The following DENND1C variants were observed in gnomAD, a reference collection of about 807,000 sequenced individuals.
The protein encoded by DENND1C is DENN domain-containing protein 1C.
In DENND1C, 64 loss-of-function variants were observed where a neutral mutation model predicts 87.9. The observed-to-expected ratio is 0.73, with a 90% CI of 0.60 to 0.90. The LOEUF is 0.90. Among genes scored for constraint, DENND1C ranks in the 40% least tolerant of loss-of-function variants. The pLI is 0.00. For synonymous variants in DENND1C, 384 were observed against 424.4 expected (o/e 0.90, Z 1.17); for missense variants, 980 against 1,037.0 (o/e 0.95, Z 0.76).
rs1277872966 is a variant in DENND1C, at chr19:6,471,499, G to A, written c.1159-3C>T. On this transcript the variant is annotated splice_region_variant and splice_polypyrimidine_tract_variant and intron_variant, in intron 15 of 22. Transcript: ENST00000381480. ...TTCTCCAGCCGGGCTTCGATGAACT[G>A]GGGTGGGGGACAGTAAATCAGAAAC... The A allele has an allele frequency of 1.9e-6, 3 of 1,549,340 alleles. No individual in the cohort carries two copies. The highest frequency in any genetic ancestry group is 1.4e-5 in the African/African-American group (1 of 73,116).
chr19:6,479,629 C>T (rs767532053), intron 4 of DENND1C, 40 bp downstream of exon 4: 1 of 1,613,596 alleles, frequency 6.2e-7, no homozygotes, highest in Non-Finnish European at 8.5e-7. Context: ...CCTGAGAGAT[C>T]TGAGTCCCTG....
intron 1 of DENND1C, 94 bp downstream of exon 1, chr19:6,481,585 C>T: frequency 3.2e-6 from 5 of 1,574,808 alleles, no homozygotes; most frequent in Non-Finnish European, 4.3e-6. Context: ...CACTGCACCT[C>T]CCGGGCCTGC....
chr19:6,467,516 G>A lies in DENND1C; in HGVS notation c.2394C>T (p.Cys798=), dbSNP rs950983490. The change falls in exon 23 of 23, where the codon TGC becomes TGT. Residue 798 remains cysteine, a synonymous_variant. Transcript: ENST00000381480. ...GGACCCCTGATTCTTAACCCTCAAA[G>A]CACTTCTTAAGATCAGCGACTCTGG... is the stretch of plus-strand genomic sequence containing the variant. ...SRPRVADLKK[C]FEG is the part of the protein sequence containing the mutation. The A allele has an allele frequency of 1.1e-5, 18 of 1,602,432 alleles. No individual in the cohort carries two copies. Among genetic ancestry groups the A allele is most frequent in the Non-Finnish European group, 1.5e-5 (18 of 1,175,416 alleles).
At chr19:6,477,026 C>G (rs763227166) in intron 9 of DENND1C, 48 bp downstream of exon 9, 6 of 1,613,238 alleles carry the variant, frequency 3.7e-6, no homozygotes, top group Non-Finnish European at 5.1e-6. Flanking sequence ...CATCCCCGGT[C>G]CGGGTTTCGG....
rs1186388632 is a variant in DENND1C at position 6,468,333 on chromosome 19, C to G, written c.1692G>C (p.Leu564=). 6.2e-7 allele frequency: 1 copy of G among 1,613,680 alleles called. No individual in the cohort carries two copies. Among genetic ancestry groups the G allele is most frequent in the African/African-American group, 1.3e-5 (1 of 74,884 alleles). The change falls in exon 22 of 23, where the codon CTG becomes CTC. Residue 564 remains leucine, a synonymous_variant. Coordinates refer to ENST00000381480, the MANE Select transcript of DENND1C (RefSeq NM_024898.4). ...GEELDLLSEI[L]DSLSMGAKSA... ...TCTTGGCTCCCATGCTAAGACTGTC[C>G]AGAATCTCGCTCAACAAATCCAGTT...
At position 6,477,397 on chromosome 19, in the gene DENND1C, G is replaced by T. The variant is rs1368481026; in HGVS notation, c.428C>A (p.Ala143Asp). 2 of 1,613,520 alleles carry T rather than the reference G, an allele frequency of 1.2e-6. No homozygotes were observed. Among genetic ancestry groups the T allele is most frequent in the Non-Finnish European group, 8.5e-7 (1 of 1,179,784 alleles). ...LFQQSLSGPQASVGLELGSGV... is the reference protein window; with the variant it reads ...LFQQSLSGPQDSVGLELGSGV... ...ACTCACCAGCTCAAGCCCCACTGAG[G>T]CCTGGGGCCCAGACAGGGACTGCTG... The change falls in exon 7 of 23, where the codon GCC becomes GAC. Residue 143 changes from alanine to aspartate, a missense_variant. By Grantham distance (126) the Ala-to-Asp change is moderately radical. Transcript: ENST00000381480.
Position 6,481,718 on chromosome 19 carries a change from C to G in DENND1C, c.-23G>C. On this transcript the variant is annotated 5_prime_UTR_variant, in exon 1 of 23. Transcript: ENST00000381480. ...CATGGTCCCTGCAGGGCCAGCCCAG[C>G]GGGGCCCTCTCCCCAGGGGTCCTGG... 1 of 1,563,076 alleles carries G rather than the reference C, an allele frequency of 6.4e-7. No homozygotes were observed. Among genetic ancestry groups the G allele is most frequent in the African/African-American group, 1.4e-5 (1 of 72,318 alleles).
At chr19:6,472,767 T>C (rs2092836507) in intron 15 of DENND1C, 122 bp downstream of exon 15, 5 of 703,864 alleles carry the variant, frequency 7.1e-6, no homozygotes, top group Admixed American at 4.1e-5. Flanking sequence ...CCTGCTGGAC[T>C]GTCTCCAGCT....
chr19:6,477,893 G>A (rs2092872333), intron 6 of DENND1C, among the ~76,000 whole-genome samples: 1 of 129,958 alleles, frequency 7.7e-6, no homozygotes, highest in South Asian at 2.6e-4. Flanking sequence ...GTGAAAACAC[G>A]TCTCTGTTAA....
At chr19:6,480,537 C>T (rs1435762060) in intron 1 of DENND1C, 13 of 847,766 alleles carry the variant, frequency 1.5e-5, no homozygotes, top group Non-Finnish European at 1.8e-5. Context: ...CACCCACCCA[C>T]CCACCTATCC....
At chr19:6,473,100 G>C in intron 14 of DENND1C, 107 bp from the exon 15 acceptor site, 1 of 768,836 alleles carries the variant, frequency 1.3e-6, no homozygotes, top group Non-Finnish European at 1.9e-6. Flanking sequence ...CTGTGTGTCT[G>C]ATCCTGTGTG....
chr19:6,471,625 G>C (rs1043429199), intron 15 of DENND1C, 129 bp from the exon 16 acceptor site: 2 of 751,124 alleles, frequency 2.7e-6, no homozygotes, highest in African/African-American at 3.5e-5. Context: ...AAGCACCTGG[G>C]AAACTGGAGC....
In DENND1C at chr19:6,468,607, T is replaced by C; in HGVS notation, c.1554A>G (p.Glu518=). The change falls in exon 21 of 23, where the codon GAA becomes GAG. Residue 518 remains glutamate, a synonymous_variant. Transcript: ENST00000381480. The part of the protein sequence containing the change: ...PLRPSRRRQL[E]EGTSEPPGAG... ...CCCCTGGGGGCTCGGAAGTTCCCTC[T>C]TCCAGCTGGCGTCTCCTGCTGGGGC... The C allele has an allele frequency of 6.6e-7, 1 of 1,513,046 alleles. No homozygotes were observed. The highest frequency in any genetic ancestry group is 8.8e-7 in the Non-Finnish European group (1 of 1,134,088). 93.7% of individuals were successfully genotyped at this position (1,513,046 alleles called of 1,614,324 possible).
Position 6,471,107 on chromosome 19 carries a change from A to G in DENND1C, c.1290+158T>C, listed in dbSNP as rs534843949. 4.7e-5 allele frequency among the ~76,000 whole-genome samples: 7 copies of G among 150,258 alleles called. No individual in the cohort carries two copies. The South Asian group carries it at 1.5e-3, about 32-fold the overall frequency. On this transcript the variant is annotated intron_variant, in intron 17 of 22. Coordinates refer to ENST00000381480, the MANE Select transcript of DENND1C (RefSeq NM_024898.4). ...AGTAGCTGGGACTACAGCTACACCT[A>G]GCGAATTTTTTTTTTTTCAGTAGAG... is the stretch of plus-strand genomic sequence containing the variant.
chr19:6,476,015 T>A (rs2092857887), intron 10 of DENND1C, 78 bp from the exon 11 acceptor site: 1 of 1,269,634 alleles, frequency 7.9e-7, no homozygotes, highest in East Asian at 2.6e-5. Context: ...ATTTCCCACG[T>A]CCCCAGTCTC....
Position 6,475,945 on chromosome 19 carries a change from G to GC in DENND1C, c.679-9dup, listed in dbSNP as rs752460386. The stretch of plus-strand genomic sequence containing the variant: ...GTGGACGCACGAGGTCAGCTGGGGA[G>GC]CGATGGCGGGGCGTGGAGTCAGGGC... On this transcript the variant is annotated splice_polypyrimidine_tract_variant and intron_variant, in intron 10 of 22. Coordinates refer to ENST00000381480, the MANE Select transcript of DENND1C (RefSeq NM_024898.4). The GC allele has an allele frequency of 7.7e-6, 12 of 1,551,498 alleles. No individual in the cohort carries two copies. In the East Asian group the frequency reaches 2.8e-4, roughly 36 times the overall value.
intron 5 of DENND1C, 38 bp downstream of exon 5, chr19:6,478,899 C>A: frequency 6.2e-7 from 1 of 1,613,922 alleles, no homozygotes; most frequent in African/African-American, 1.3e-5. Flanking sequence ...TAGGCCTCGG[C>A]CTTTCCCATC....
At position 6,472,216 on chromosome 19, in the gene DENND1C, G is replaced by T. The variant is rs181927236; in HGVS notation, c.1158+673C>A. Among the ~76,000 whole-genome samples the T allele has an allele frequency of 2.5e-5, 3 of 119,672 alleles. No homozygotes were observed. In the South Asian group the frequency reaches 8.9e-4, roughly 36 times the overall value. 78.5% of individuals were successfully genotyped at this position (119,672 alleles called of 152,430 possible). A position where few individuals can be genotyped will look rare whatever the true frequency, so the allele number is the denominator to read the frequency against. ...TATCCCTAGGACTCAGGAAATCCTG[G>T]GATTTCACAGTCAGGACCCATCCCC... On this transcript the variant is annotated intron_variant, in intron 15 of 22. Coordinates refer to ENST00000381480, the MANE Select transcript of DENND1C (RefSeq NM_024898.4).
intron 6 of DENND1C, among the ~76,000 whole-genome samples, chr19:6,478,299 A>G (rs1038437824): frequency 6.6e-6 from 1 of 152,058 alleles, no homozygotes; most frequent in Admixed American, 6.6e-5. Flanking sequence ...GCTGGAGTGC[A>G]ATGGCGCGAT....
Sources: gnomAD v4.1 joint callset for allele counts (sites outside exome capture counted in the v4.1 genomes callset) on GRCh38, gnomAD v4.1.1 for gene constraint, MANE v1.5 for transcripts, NCBI Gene and HGNC (gene_info 2026-07-23, HGNC 2026-07-21) for gene names.